CEP135: variants seen among roughly 807,000 people sequenced by gnomAD.
The protein encoded by CEP135 is centrosomal protein 135.
Under a neutral mutation model 157.3 loss-of-function variants are expected in CEP135, and 142 were observed. That is an observed-to-expected ratio of 0.90 (90% CI 0.79 to 1.04). The LOEUF (loss-of-function observed/expected upper bound fraction) is 1.04, where lower values mean the gene tolerates loss of function less well. Ranked by LOEUF, CEP135 falls within the 50% of genes least tolerant of loss-of-function variation. CEP135 has a pLI of 0.00. For missense variants in CEP135, 1,317 were observed against 1,309.2 expected (o/e 1.01, Z -0.09); for synonymous variants, 396 against 439.8 (o/e 0.90, Z 1.25).
At chr4:55,957,898 T>C (rs1728554366) in intron 5 of CEP135, among the ~76,000 whole-genome samples, 1 of 152,218 alleles carries the variant, frequency 6.6e-6, no homozygotes, top group Non-Finnish European at 1.5e-5. Context: ...AGATGGTGTT[T>C]CTGTTTTTGA....
intron 21 of CEP135, among the ~76,000 whole-genome samples, chr4:56,013,735 T>A (rs956244816): frequency 2.0e-5 from 3 of 152,184 alleles, no homozygotes; most frequent in Non-Finnish European, 4.4e-5. Context: ...TTGTATAGTT[T>A]TATAATTTTT....
chr4:55,964,171 A>G, intron 6 of CEP135, 103 bp from the exon 7 acceptor site: 1 of 1,089,794 alleles, frequency 9.2e-7, no homozygotes, highest in Non-Finnish European at 1.3e-6. Flanking sequence ...TCTCTTGCAT[A>G]CATTGGTACA....
chr4:55,989,135 T>G (rs1228183629), intron 14 of CEP135, among the ~76,000 whole-genome samples: 1 of 152,128 alleles, frequency 6.6e-6, no homozygotes, highest in Non-Finnish European at 1.5e-5. Context: ...ATTCATATTT[T>G]AAAAGGAAAA....
chr4:55,998,645 G>T (rs1253721932), intron 15 of CEP135, among the ~76,000 whole-genome samples: 1 of 152,132 alleles, frequency 6.6e-6, no homozygotes, highest in African/African-American at 2.4e-5. Flanking sequence ...CAGATGGATT[G>T]CTTGAGCTCA....
In CEP135 at chr4:55,952,418, A is replaced by G. The variant is rs368396739; in HGVS notation, c.113+175A>G. ...CAGGCCTTCCACACGGCAGAACTCT[A>G]AAGGCCACCACTCACGCTGTACTGT... On this transcript the variant is annotated intron_variant, in intron 2 of 25. Coordinates refer to ENST00000257287, the MANE Select transcript of CEP135 (RefSeq NM_025009.5). 122 of 540,950 alleles carry G rather than the reference A, an allele frequency of 2.3e-4. 1 individual carries two copies. Among genetic ancestry groups the G allele is most frequent in the African/African-American group, 2.0e-3 (107 of 53,106 alleles). The allele number at this position is 540,950 out of a possible 1,614,324, so 33.5% of individuals were successfully genotyped here.
intron 4 of CEP135, 30 bp downstream of exon 4, chr4:55,954,413 T>G: frequency 1.9e-6 from 3 of 1,563,958 alleles, no homozygotes; most frequent in Non-Finnish European, 2.6e-6. Flanking sequence ...AGACAAATTA[T>G]ACACATTTAA....
At chr4:56,019,959 A>G (rs1260359626) in intron 23 of CEP135, among the ~76,000 whole-genome samples, 1 of 152,194 alleles carries the variant, frequency 6.6e-6, no homozygotes, top group Non-Finnish European at 1.5e-5. Context: ...TATTTGGCTT[A>G]TACATCTGCT....
At position 55,988,105 on chromosome 4, in the gene CEP135, G is replaced by A. The variant is rs192731471; in HGVS notation, c.1857+2747G>A. ...ACCATATTGAAAGTCATTAAAGAAA[G>A]CCTAAATAAGTGGAGGATTATATCA... On this transcript the variant is annotated intron_variant, in intron 14 of 25. Transcript: ENST00000257287. Among the ~76,000 whole-genome samples the A allele has an allele frequency of 2.6e-5, 4 of 151,606 alleles. No homozygotes were observed. The East Asian group carries it at 7.8e-4, about 29-fold the overall frequency.
intron 14 of CEP135, 43 bp from the exon 15 acceptor site, chr4:55,991,891 C>T (rs200426849): frequency 2.1e-5 from 20 of 935,790 alleles, no homozygotes; most frequent in East Asian, 1.9e-4. Context: ...ATATCATTAA[C>T]GTATTAAGAT....
Position 55,957,215 on chromosome 4 carries a change from CT to C in CEP135, c.473-3del. The C allele has an allele frequency of 6.2e-7, 1 of 1,610,400 alleles. No individual in the cohort carries two copies. Among genetic ancestry groups the C allele is most frequent in the Non-Finnish European group, 8.5e-7 (1 of 1,179,112 alleles). On this transcript the variant is annotated splice_region_variant and splice_polypyrimidine_tract_variant and intron_variant, in intron 4 of 25. Coordinates refer to ENST00000257287, the MANE Select transcript of CEP135 (RefSeq NM_025009.5). ...TTCTTAGTTTTTTAAGACACTCATT[CT>C]TTTTAGGTGGCAAGAAAAGAAGTAT... is the stretch of plus-strand genomic sequence containing the variant.
At chr4:55,970,833 G>A (rs1306875182) in intron 9 of CEP135, among the ~76,000 whole-genome samples, 1 of 152,158 alleles carries the variant, frequency 6.6e-6, no homozygotes, top group African/African-American at 2.4e-5. Context: ...ATCCTCGCCA[G>A]TAAATCCTTA....
intron 21 of CEP135, among the ~76,000 whole-genome samples, chr4:56,015,488 G>A (rs1481321450): frequency 1.3e-5 from 2 of 152,252 alleles, no homozygotes; most frequent in Non-Finnish European, 2.9e-5. Context: ...CTGCCCCTGT[G>A]GGACACAGGG....
chr4:55,989,626 C>T (rs1729718515), intron 14 of CEP135, among the ~76,000 whole-genome samples: 1 of 152,152 alleles, frequency 6.6e-6, no homozygotes. Flanking sequence ...CACATTTAAT[C>T]CCCCTCCCCT....
intron 17 of CEP135, among the ~76,000 whole-genome samples, chr4:56,007,691 C>T (rs750314389): frequency 1.1e-4 from 16 of 152,138 alleles, no homozygotes; most frequent in Admixed American, 2.0e-4. Flanking sequence ...TCACTTTTTC[C>T]GGTGTAGAAA....
At chr4:55,955,303 A>G (rs188416720) in intron 4 of CEP135, among the ~76,000 whole-genome samples, 73 of 152,312 alleles carry the variant, frequency 4.8e-4, no homozygotes, top group Admixed American at 1.4e-3. Flanking sequence ...TTTGTTTGCT[A>G]TGAAGATTGC....
At chr4:55,966,845 T>A (rs991110224) in intron 8 of CEP135, among the ~76,000 whole-genome samples, 2 of 152,202 alleles carry the variant, frequency 1.3e-5, no homozygotes, top group African/African-American at 2.4e-5. Flanking sequence ...TTTAAGTTGG[T>A]AATTATAATA....
At chr4:55,959,904 G>A (rs2109648327) in intron 6 of CEP135, 138 bp downstream of exon 6, 6 of 741,752 alleles carry the variant, frequency 8.1e-6, no homozygotes. Flanking sequence ...TGTTAATAGA[G>A]TTAATAGCTG....
intron 18 of CEP135, among the ~76,000 whole-genome samples, chr4:56,008,810 A>G (rs1219432153): frequency 2.6e-5 from 4 of 152,192 alleles, no homozygotes; most frequent in African/African-American, 9.6e-5. Flanking sequence ...CACTTATTAT[A>G]TTTATTTTAC....
rs1251202947 is a variant in CEP135 at position 56,011,981 on chromosome 4, A to C, written c.2798A>C (p.Gln933Pro). Residue 933 changes from glutamine to proline, a missense_variant, in exon 21 of 26, where the codon CAA (glutamine) becomes CCA (proline). Coordinates refer to ENST00000257287, the MANE Select transcript of CEP135 (RefSeq NM_025009.5). ...ERVELLEKEI[Q>P]EHINAHHAYE... ...GTGGAGCTATTAGAAAAAGAAATTC[A>C]AGAGGTAATATATTTATTTGTTTTG... The C allele has an allele frequency of 6.6e-7, 1 of 1,522,996 alleles. No individual in the cohort carries two copies. Among genetic ancestry groups the C allele is most frequent in the African/African-American group, 1.4e-5 (1 of 70,622 alleles). 94.3% of individuals were successfully genotyped at this position (1,522,996 alleles called of 1,614,324 possible).
Sources: gnomAD v4.1 joint callset for allele counts (sites outside exome capture counted in the v4.1 genomes callset) on GRCh38, gnomAD v4.1.1 for gene constraint, MANE v1.5 for transcripts, NCBI Gene and HGNC (gene_info 2026-07-23, HGNC 2026-07-21) for gene names.